Variants in DPPA2 observed in about 807,000 individuals in gnomAD.
DPPA2 encodes the protein developmental pluripotency associated 2, also known as developmental pluripotency-associated protein 2.
A neutral mutation model predicts 36.2 loss-of-function variants in DPPA2; 26 were observed. The ratio of observed to expected loss-of-function variants is 0.72; its 90% CI spans 0.53 to 1.00. DPPA2 has a LOEUF of 1.00. Among genes scored for constraint, DPPA2 ranks in the 50% least tolerant of loss-of-function variants. The pLI, the probability that DPPA2 is intolerant of heterozygous loss-of-function variation, is 0.00. For missense variants in DPPA2, 361 were observed against 365.1 expected, an observed-to-expected ratio of 0.99 and a Z score of 0.09; for synonymous variants, 113 against 123.2, an observed-to-expected ratio of 0.92 and a Z score of 0.55.
chr3:109,308,143 C>T lies in DPPA2; in HGVS notation c.547G>A (p.Gly183Arg), dbSNP rs1280275143. ...NTVEVITSAP[G>R]AMLASWARIA... The stretch of plus-strand genomic sequence containing the variant: ...CTTGCCCATGATGCCAACATGGCTC[C>T]CGGTGCTGAAGTTATCACTTCAACT... The change falls in exon 6 of 9, where the codon GGA becomes AGA. Residue 183 changes from glycine (G) to arginine (R), a missense_variant. By Grantham distance (125) the Gly-to-Arg change is moderately radical. Coordinates refer to ENST00000478945, the MANE Select transcript of DPPA2 (RefSeq NM_138815.4). 1.9e-6 allele frequency: 3 copies of T among 1,614,176 alleles called. No individual in the cohort carries two copies. The highest frequency in any genetic ancestry group is 3.3e-5 in the Admixed American group (2 of 59,996).
chr3:109,309,212 C>G lies in DPPA2; in HGVS notation c.300G>C (p.Leu100Phe). The change falls in exon 4 of 9, where the codon TTG becomes TTC. Residue 100 changes from leucine (L) to phenylalanine (F), a missense_variant. Leu to Phe is a conservative substitution (Grantham distance 22). Transcript: ENST00000478945. ...AACCGAGTTGTTGACACCAGTCCCG[C>G]AAAGTGTCCCGACACACCTTATTAA... ...PPINKVCRDT[L>F]RDWCQQLGLS... 2 of 1,614,096 alleles carry G rather than the reference C, an allele frequency of 1.2e-6. No homozygotes were observed. The highest frequency in any genetic ancestry group is 1.7e-6 in the Non-Finnish European group (2 of 1,180,036).
chr3:109,297,778 A>G (rs184181988), intron 8 of DPPA2, among the ~76,000 whole-genome samples: 6 of 152,278 alleles, frequency 3.9e-5, no homozygotes, highest in Admixed American at 3.9e-4. Context: ...TACACACTGT[A>G]TAATTCTAAG....
At chr3:109,298,391 G>A (rs1707390438) in intron 8 of DPPA2, among the ~76,000 whole-genome samples, 4 of 151,990 alleles carry the variant, frequency 2.6e-5, no homozygotes, top group South Asian at 2.1e-4. Flanking sequence ...ACTAGCCTGA[G>A]AAACATGGTG....
intron 8 of DPPA2, among the ~76,000 whole-genome samples, chr3:109,297,968 G>T (rs1707382317): frequency 1.3e-5 from 2 of 152,124 alleles, no homozygotes; most frequent in South Asian, 4.1e-4. Flanking sequence ...AAAACTAGCT[G>T]GGTACGGTGG....
At chr3:109,294,423 A>G (rs1707315866) in intron 8 of DPPA2, among the ~76,000 whole-genome samples, 2 of 152,142 alleles carry the variant, frequency 1.3e-5, no homozygotes, top group South Asian at 4.1e-4. Context: ...TTTCTGTTCT[A>G]TTCTCCGTGT....
rs1559696848 is a variant in DPPA2 at position 109,304,685 on chromosome 3, C to G, written c.659-15G>C. 1 of 1,563,212 alleles carries G rather than the reference C, an allele frequency of 6.4e-7. No homozygotes were observed. The highest frequency in any genetic ancestry group is 8.6e-7 in the Non-Finnish European group (1 of 1,156,612). ...CCACCTGACGCCTGGAAAGGAAAAA[C>G]AAATATAGACAGCAAAAATCAAGAT... On this transcript the variant is annotated splice_polypyrimidine_tract_variant and intron_variant, in intron 6 of 8. Transcript: ENST00000478945.
At chr3:109,311,750 T>TA (rs1707713413) in intron 3 of DPPA2, among the ~76,000 whole-genome samples, 1 of 150,092 alleles carries the variant, frequency 6.7e-6, no homozygotes, top group African/African-American at 2.5e-5. Context: ...CCAGAAAAAT[T>TA]TAAAAAAAAA....
At position 109,312,536 on chromosome 3, in the gene DPPA2, T is replaced by C; in HGVS notation, c.181+9A>G. ...GGAGTAACTAACTGAGCAATCCCTG[T>C]CCTCATACCTGGATTGTATTTCTTA... On this transcript the variant is annotated intron_variant, in intron 3 of 8. Transcript: ENST00000478945. 6.2e-7 allele frequency: 1 copy of C among 1,610,070 alleles called. No homozygotes were observed. The highest frequency in any genetic ancestry group is 8.5e-7 in the Non-Finnish European group (1 of 1,177,438).
chr3:109,314,242 C>T (rs1324165017), intron 2 of DPPA2, among the ~76,000 whole-genome samples: 1 of 152,054 alleles, frequency 6.6e-6, no homozygotes, highest in Non-Finnish European at 1.5e-5. Context: ...CCAGCTATAG[C>T]ACTTCTCATC....
At chr3:109,306,486 A>G (rs560860961) in intron 6 of DPPA2, among the ~76,000 whole-genome samples, 3 of 152,246 alleles carry the variant, frequency 2.0e-5, no homozygotes, top group Admixed American at 2.0e-4. Flanking sequence ...AATGTGTCCT[A>G]CCATACTAGT....
At chr3:109,315,744 C>T (rs1707774967) in intron 1 of DPPA2, among the ~76,000 whole-genome samples, 1 of 152,086 alleles carries the variant, frequency 6.6e-6, no homozygotes, top group Non-Finnish European at 1.5e-5. Context: ...ATTGTCTGGA[C>T]CTGGCACGGT....
chr3:109,304,478 T>TTG lies in DPPA2; in HGVS notation c.850_851insCA (p.Lys284ThrfsTer7). ...TAACAAGATACATAAGGGTTACCTC[T>TTG]TAGCACAGTCGGGGCATAACATATT... On this transcript the variant is annotated frameshift_variant, in exon 7 of 9. Transcript: ENST00000478945. LOFTEE classifies it high-confidence loss of function. The TTG allele has an allele frequency of 6.2e-7, 1 of 1,610,744 alleles. No homozygotes were observed. Among genetic ancestry groups the TTG allele is most frequent in the South Asian group, 1.1e-5 (1 of 90,396 alleles).
In DPPA2 at chr3:109,304,640, A is replaced by C; in HGVS notation, c.689T>G (p.Leu230Arg). 2 of 1,611,952 alleles carry C rather than the reference A, an allele frequency of 1.2e-6. No homozygotes were observed. The highest frequency in any genetic ancestry group is 1.7e-5 in the Admixed American group (1 of 59,438). Residue 230 changes from leucine (L) to arginine (R), a missense_variant, in exon 7 of 9, where the codon CTT becomes CGT. Transcript: ENST00000478945. Reference protein sequence around the residue: ...GVRWCVVHGRLLSADTKGWVR... With the variant: ...GVRWCVVHGRRLSADTKGWVR... ...CCAACCCTTTGTGTCTGCCGAGAGA[A>C]GTCTGCCATGGACCACACACCACCT...
intron 1 of DPPA2, 123 bp from the exon 2 acceptor site, chr3:109,314,678 T>C (rs1559700893): frequency 5.8e-6 from 5 of 854,886 alleles, no homozygotes; most frequent in Non-Finnish European, 8.6e-6. Flanking sequence ...CTTGTTTTCC[T>C]TTCCTCCTCT....
intron 1 of DPPA2, among the ~76,000 whole-genome samples, chr3:109,315,177 A>T (rs1411994788): frequency 6.6e-6 from 1 of 152,268 alleles, no homozygotes; most frequent in Non-Finnish European, 1.5e-5. Flanking sequence ...TAGAACAGTT[A>T]TAAGACGATA....
At chr3:109,298,566 A>G (rs1333833302) in intron 8 of DPPA2, among the ~76,000 whole-genome samples, 1 of 151,970 alleles carries the variant, frequency 6.6e-6, no homozygotes, top group Non-Finnish European at 1.5e-5. Flanking sequence ...AATACAAAAA[A>G]TTAGCTGGGC....
At chr3:109,307,970 T>TG in intron 6 of DPPA2, 62 bp downstream of exon 6, 2 of 1,560,638 alleles carry the variant, frequency 1.3e-6, no homozygotes, top group African/African-American at 1.4e-5. Context: ...GTTTCAGTCT[T>TG]GGACTAATAA....
rs138517323 is a variant in DPPA2, at chr3:109,297,909, C to A, written c.*22+2462G>T. Among the ~76,000 whole-genome samples, 279 of 152,204 alleles carry A rather than the reference C, an allele frequency of 1.8e-3. 2 individuals carry two copies. Among genetic ancestry groups the A allele is most frequent in the African/African-American group, 5.9e-3 (246 of 41,524 alleles). On this transcript the variant is annotated intron_variant, in intron 8 of 8. Transcript: ENST00000478945. ...ACAGCTTGAGGCCAGAAGTTTGAGA[C>A]CAATCTCGCCAACACAGTGAGACCC...
chr3:109,294,125 C>A (rs910301236), intron 8 of DPPA2, 121 bp from the exon 9 acceptor site: 1 of 152,098 alleles, frequency 6.6e-6, no homozygotes, highest in African/African-American at 2.4e-5. Flanking sequence ...ACAAACGTAA[C>A]TTTTAATAGA....
Sources: gnomAD v4.1 joint callset for allele counts (sites outside exome capture counted in the v4.1 genomes callset) on GRCh38, gnomAD v4.1.1 for gene constraint, MANE v1.5 for transcripts, NCBI Gene and HGNC (gene_info 2026-07-23, HGNC 2026-07-21) for gene names.